Variants in ZCCHC7 observed in about 807,000 individuals in gnomAD.
ZCCHC7 encodes zinc finger CCHC domain-containing protein 7.
In ZCCHC7, 35 loss-of-function variants were observed where a neutral mutation model predicts 52.0. The ratio of observed to expected loss-of-function variants is 0.67; its 90% CI spans 0.51 to 0.89. The LOEUF is 0.89. Ranked by LOEUF, ZCCHC7 falls within the 40% of genes least tolerant of loss-of-function variation. The pLI is 0.00. For missense variants in ZCCHC7, 574 were observed against 649.1 expected (o/e 0.88, Z 1.26); for synonymous variants, 217 against 221.5 (o/e 0.98, Z 0.18).
chr9:37,300,625 C>G (rs1033182918), intron 2 of ZCCHC7, among the ~76,000 whole-genome samples: 1 of 152,082 alleles, frequency 6.6e-6, no homozygotes. Flanking sequence ...TCCTGGTAGG[C>G]CTGGGAAAAT....
intron 2 of ZCCHC7, among the ~76,000 whole-genome samples, chr9:37,133,681 C>A (rs184823962): frequency 6.1e-4 from 93 of 152,286 alleles, no homozygotes; most frequent in African/African-American, 1.7e-3. Context: ...CTCCGCCTCC[C>A]AGGTTCAAGT....
rs1821531622 is a variant in ZCCHC7, at chr9:37,168,180, A to G, written c.610+41238A>G. On this transcript the variant is annotated intron_variant, in intron 2 of 8. Transcript: ENST00000336755. ...AATCTGAAGGCAATAAACTTTGGGC[A>G]GTGCTAGAATTCACCTAGATGTCTT... Among the ~76,000 whole-genome samples the G allele has an allele frequency of 2.0e-5, 3 of 152,340 alleles. No individual in the cohort carries two copies. The South Asian group carries it at 6.2e-4, about 32-fold the overall frequency.
intron 2 of ZCCHC7, among the ~76,000 whole-genome samples, chr9:37,280,133 T>A (rs903741795): frequency 4.0e-5 from 6 of 151,220 alleles, no homozygotes; most frequent in African/African-American, 1.5e-4. Context: ...AGTGCGAGAC[T>A]CCGTCTCAAA....
intron 5 of ZCCHC7, among the ~76,000 whole-genome samples, chr9:37,325,060 T>G (rs1830187387): frequency 6.6e-6 from 1 of 152,230 alleles, no homozygotes; most frequent in Non-Finnish European, 1.5e-5. Context: ...ATGCACAATA[T>G]AAACTCTCAA....
intron 2 of ZCCHC7, among the ~76,000 whole-genome samples, chr9:37,155,805 G>A (rs898125185): frequency 1.3e-5 from 2 of 152,208 alleles, no homozygotes; most frequent in African/African-American, 4.8e-5. Flanking sequence ...ATGGTTAAGG[G>A]TGTGAGTACA....
At chr9:37,238,242 T>C (rs1449549938) in intron 2 of ZCCHC7, among the ~76,000 whole-genome samples, 2 of 152,174 alleles carry the variant, frequency 1.3e-5, no homozygotes, top group Admixed American at 1.3e-4. Flanking sequence ...CTTATAATAC[T>C]ATTGTAACAT....
intron 6 of ZCCHC7, among the ~76,000 whole-genome samples, chr9:37,343,927 T>A (rs1820796003): frequency 6.6e-6 from 1 of 152,226 alleles, no homozygotes; most frequent in African/African-American, 2.4e-5. Flanking sequence ...TGTGTTCCAA[T>A]AAAACTTTAT....
intron 6 of ZCCHC7, among the ~76,000 whole-genome samples, chr9:37,340,055 C>T (rs1214830210): frequency 1.3e-5 from 2 of 152,092 alleles, no homozygotes; most frequent in Non-Finnish European, 2.9e-5. Context: ...AGGCCAGTGT[C>T]CCAGATAATG....
chr9:37,254,950 A>C (rs2133414197), intron 2 of ZCCHC7, among the ~76,000 whole-genome samples: 1 of 150,166 alleles, frequency 6.7e-6, no homozygotes, highest in African/African-American at 2.4e-5. Flanking sequence ...AATACTACTC[A>C]CATTGCTGCC....
intron 2 of ZCCHC7, among the ~76,000 whole-genome samples, chr9:37,147,989 T>A (rs1843511549): frequency 6.6e-6 from 1 of 152,092 alleles, no homozygotes; most frequent in South Asian, 2.1e-4. Flanking sequence ...CCTGGTATCC[T>A]GTCAGTAATT....
At chr9:37,217,636 G>T (rs1397330422) in intron 2 of ZCCHC7, among the ~76,000 whole-genome samples, 1 of 152,102 alleles carries the variant, frequency 6.6e-6, no homozygotes, top group Non-Finnish European at 1.5e-5. Context: ...ACACTAAAAT[G>T]TTCTAGAGCA....
intron 2 of ZCCHC7, among the ~76,000 whole-genome samples, chr9:37,145,328 T>C (rs1843388978): frequency 6.6e-6 from 1 of 151,992 alleles, no homozygotes; most frequent in South Asian, 2.1e-4. Context: ...TTTTTTAATC[T>C]GAAAAACAGA....
Position 37,327,799 on chromosome 9 carries a change from GC to G in ZCCHC7, c.953del (p.Ala318ValfsTer11), listed in dbSNP as rs757972387. 6.2e-7 allele frequency: 1 copy of G among 1,612,926 alleles called. No homozygotes were observed. The highest frequency in any genetic ancestry group is 1.7e-5 in the Admixed American group (1 of 59,944). On this transcript the variant is annotated frameshift_variant and splice_region_variant, in exon 6 of 9. Transcript: ENST00000336755. LOFTEE classifies it high-confidence loss of function. ...RCHMLGHYTD[A>X]CTEIWRQYHL... ...GCTGATCAATATTTTTATTTTCCAG[GC>G]TTGCACAGAAATCTGGAGGCAGTAT...
chr9:37,152,144 A>C (rs965618256), intron 2 of ZCCHC7, among the ~76,000 whole-genome samples: 1 of 152,202 alleles, frequency 6.6e-6, no homozygotes, highest in Non-Finnish European at 1.5e-5. Flanking sequence ...AAGATTTCCA[A>C]ATAGCTATAG....
intron 2 of ZCCHC7, among the ~76,000 whole-genome samples, chr9:37,255,166 GAAC>G (rs1425151002): frequency 3.9e-5 from 6 of 151,918 alleles, no homozygotes; most frequent in Non-Finnish European, 7.4e-5. Context: ...CACAATAAGA[GAAC>G]AACAAGATAG....
At chr9:37,280,014 C>G (rs1184958080) in intron 2 of ZCCHC7, among the ~76,000 whole-genome samples, 1 of 151,814 alleles carries the variant, frequency 6.6e-6, no homozygotes, top group Non-Finnish European at 1.5e-5. Context: ...ATTAGCCGGT[C>G]CTGGCGTCAG....
At chr9:37,342,931 T>G (rs1820730422) in intron 6 of ZCCHC7, among the ~76,000 whole-genome samples, 1 of 152,174 alleles carries the variant, frequency 6.6e-6, no homozygotes, top group African/African-American at 2.4e-5. Context: ...TTAGGAAGAG[T>G]TTGCCAATTT....
At chr9:37,219,787 G>A (rs572042543) in intron 2 of ZCCHC7, among the ~76,000 whole-genome samples, 2 of 152,318 alleles carry the variant, frequency 1.3e-5, no homozygotes, top group East Asian at 3.9e-4. Context: ...AGTTTAGGAG[G>A]AGTTCAGAGA....
chr9:37,182,399 T>C (rs1174364732), intron 2 of ZCCHC7, among the ~76,000 whole-genome samples: 1 of 151,838 alleles, frequency 6.6e-6, no homozygotes, highest in Non-Finnish European at 1.5e-5. Flanking sequence ...TTGCCTAGGC[T>C]GGATGTAGTT....
Sources: gnomAD v4.1 joint callset for allele counts (sites outside exome capture counted in the v4.1 genomes callset) on GRCh38, gnomAD v4.1.1 for gene constraint, MANE v1.5 for transcripts, NCBI Gene and HGNC (gene_info 2026-07-23, HGNC 2026-07-21) for gene names.